TBC1D19: variants seen among roughly 807,000 people sequenced by gnomAD.
TBC1D19 encodes TBC1 domain family member 19.
A neutral mutation model predicts 89.0 loss-of-function variants in TBC1D19; 60 were observed. That is an observed-to-expected ratio of 0.67 (90% CI 0.55 to 0.84). TBC1D19 has a LOEUF of 0.84. TBC1D19 is among the 40% of genes least tolerant of loss of function. The pLI is 0.00. For missense variants in TBC1D19, 500 were observed against 610.8 expected, an observed-to-expected ratio of 0.82 and a Z score of 1.91; for synonymous variants, 189 against 199.7, an observed-to-expected ratio of 0.95 and a Z score of 0.45.
chr4:26,716,455 A>C (rs1176573328), intron 13 of TBC1D19, among the ~76,000 whole-genome samples: 1 of 152,132 alleles, frequency 6.6e-6, no homozygotes, highest in East Asian at 1.9e-4. Context: ...CAGGTGGTCC[A>C]GTTTTTGGAA....
At chr4:26,744,875 C>G (rs1471532511) in intron 18 of TBC1D19, among the ~76,000 whole-genome samples, 1 of 152,078 alleles carries the variant, frequency 6.6e-6, no homozygotes, top group African/African-American at 2.4e-5. Context: ...GTCAAGGAAT[C>G]AAGTTTGTTA....
At chr4:26,640,856 C>T (rs188158549) in intron 7 of TBC1D19, among the ~76,000 whole-genome samples, 272 of 152,326 alleles carry the variant, frequency 1.8e-3, no homozygotes, top group Middle Eastern at 3.4e-3. Flanking sequence ...GAGGGGCATC[C>T]GCCATAGTTG....
At chr4:26,680,480 C>T (rs569428798) in intron 11 of TBC1D19, among the ~76,000 whole-genome samples, 51 of 152,252 alleles carry the variant, frequency 3.3e-4, no homozygotes, top group Admixed American at 2.6e-4. Context: ...TCATGTCTTT[C>T]CTAGCCATCT....
At chr4:26,736,638 A>T (rs1370856331) in intron 16 of TBC1D19, among the ~76,000 whole-genome samples, 1 of 152,230 alleles carries the variant, frequency 6.6e-6, no homozygotes, top group Non-Finnish European at 1.5e-5. Context: ...TAGCTCTAAT[A>T]GGTGTAAAAT....
chr4:26,706,405 T>G (rs946512976), intron 13 of TBC1D19, among the ~76,000 whole-genome samples: 4 of 152,260 alleles, frequency 2.6e-5, no homozygotes, highest in East Asian at 3.9e-4. Flanking sequence ...TTTAATAATT[T>G]GAGTCTTCTC....
At chr4:26,641,324 A>C (rs1236529320) in intron 7 of TBC1D19, among the ~76,000 whole-genome samples, 6 of 152,252 alleles carry the variant, frequency 3.9e-5, no homozygotes, top group Admixed American at 3.9e-4. Flanking sequence ...ACAGACCTGC[A>C]GCTGAGGGAC....
intron 15 of TBC1D19, 122 bp from the exon 16 acceptor site, chr4:26,735,333 T>A: frequency 1.4e-6 from 1 of 729,802 alleles, no homozygotes; most frequent in African/African-American, 1.9e-5. Context: ...CTTTCTGACA[T>A]TTATGAACAG....
the TBC1D19 span, among the ~76,000 whole-genome samples, chr4:26,833,679 A>AC: frequency 6.6e-6 from 1 of 152,232 alleles, no homozygotes; most frequent in Non-Finnish European, 1.5e-5. Flanking sequence ...GGATAATGGA[A>AC]CTTGTGCAGG....
At chr4:26,790,582 C>A in the TBC1D19 span, among the ~76,000 whole-genome samples, 2 of 152,010 alleles carry the variant, frequency 1.3e-5, no homozygotes, top group Non-Finnish European at 2.9e-5. Context: ...GAAAGAGAGA[C>A]AAAATTATGT....
At chr4:26,731,856 G>A (rs574247173) in intron 15 of TBC1D19, among the ~76,000 whole-genome samples, 287 of 152,192 alleles carry the variant, frequency 1.9e-3, no homozygotes, top group African/African-American at 6.5e-3. Context: ...AGTTACGTCC[G>A]TAGGGATGGG....
the TBC1D19 span, among the ~76,000 whole-genome samples, chr4:26,835,232 T>A: frequency 4.8e-3 from 724 of 152,260 alleles, 31 homozygotes; most frequent in Admixed American, 0.042. Context: ...CTCTACTGGC[T>A]TTGAAGATGG....
At chr4:26,791,772 C>G in the TBC1D19 span, among the ~76,000 whole-genome samples, 4 of 152,204 alleles carry the variant, frequency 2.6e-5, no homozygotes. Flanking sequence ...TGAACTGGGA[C>G]AGGAGCAGTT....
the TBC1D19 span, among the ~76,000 whole-genome samples, chr4:26,839,591 CA>C: frequency 1.3e-3 from 187 of 148,300 alleles, 4 homozygotes; most frequent in East Asian, 0.025. Flanking sequence ...CCCTTTCTGT[CA>C]AAAAAAAAAT....
At chr4:26,594,136 T>C (rs1476915648) in intron 1 of TBC1D19, among the ~76,000 whole-genome samples, 1 of 152,176 alleles carries the variant, frequency 6.6e-6, no homozygotes, top group African/African-American at 2.4e-5. Flanking sequence ...GTGGCACATA[T>C]ACACCATGGA....
chr4:26,722,677 C>CA (rs1024961735), intron 15 of TBC1D19, among the ~76,000 whole-genome samples: 2 of 151,628 alleles, frequency 1.3e-5, no homozygotes, highest in Admixed American at 6.6e-5. Context: ...CTCAAGACAC[C>CA]AAAAAAAATC....
At chr4:26,650,442 T>C (rs548694022) in intron 7 of TBC1D19, among the ~76,000 whole-genome samples, 305 of 152,348 alleles carry the variant, frequency 2.0e-3, no homozygotes, top group African/African-American at 7.1e-3. Flanking sequence ...GTGGTTTTGA[T>C]TTGCATTTCT....
intron 4 of TBC1D19, among the ~76,000 whole-genome samples, chr4:26,629,023 A>G (rs1227395614): frequency 1.3e-5 from 2 of 152,072 alleles, no homozygotes; most frequent in Admixed American, 1.3e-4. Flanking sequence ...CTTTAGTTCC[A>G]GTCTCATCTC....
chr4:26,632,353 A>G (rs1319872781), intron 4 of TBC1D19, among the ~76,000 whole-genome samples: 1 of 151,238 alleles, frequency 6.6e-6, no homozygotes, highest in Non-Finnish European at 1.5e-5. Flanking sequence ...ATTAACACAT[A>G]TTTTATATGT....
chr4:26,728,325 T>C (rs1009434276), intron 15 of TBC1D19, among the ~76,000 whole-genome samples: 4 of 152,220 alleles, frequency 2.6e-5, no homozygotes, highest in African/African-American at 9.6e-5. Flanking sequence ...AGATATAATA[T>C]GTACTTACAC....
Sources: allele counts gnomAD v4.1 joint callset (sites outside exome capture counted in the v4.1 genomes callset), GRCh38; gene constraint gnomAD v4.1.1; transcripts MANE v1.5; gene names NCBI Gene and HGNC (gene_info 2026-07-23, HGNC 2026-07-21).